PARD3B: variants seen among roughly 807,000 people sequenced by gnomAD.
PARD3B encodes the protein partitioning defective 3 homolog B.
A neutral mutation model predicts 130.2 loss-of-function variants in PARD3B; 103 were observed. That is an observed-to-expected ratio of 0.79 (90% CI 0.67 to 0.93). The LOEUF (loss-of-function observed/expected upper bound fraction) is 0.93. Among genes scored for constraint, PARD3B ranks in the 40% least tolerant of loss-of-function variants. The pLI is 0.00. For missense variants in PARD3B, 1,609 were observed against 1,499.2 expected (o/e 1.07, Z -1.21); for synonymous variants, 583 against 553.2 (o/e 1.05, Z -0.76).
intron 14 of PARD3B, among the ~76,000 whole-genome samples, chr2:205,188,772 C>A (rs2036232865): frequency 1.5e-5 from 2 of 134,572 alleles, no homozygotes; most frequent in Non-Finnish European, 1.6e-5. Context: ...GCTCTCCTGC[C>A]TTCTGCCTTT....
Position 205,121,140 on chromosome 2 carries a change from C to T in PARD3B, c.807-451C>T, listed in dbSNP as rs1222822817. ...CAACCCATGTTAGAGAAGATCTGTA[C>T]TTTAGAAGGATGTCCTAAAAGAAAC... On this transcript the variant is annotated intron_variant, in intron 7 of 22. Coordinates refer to ENST00000406610, the MANE Select transcript of PARD3B (RefSeq NM_001302769.2). This position sits in a 1 kb window ranked among gnomAD's most constrained non-coding sequence, Gnocchi z 5.0. Among the ~76,000 whole-genome samples, 1 of 152,200 alleles carries T rather than the reference C, an allele frequency of 6.6e-6. No homozygotes were observed. The highest frequency in any genetic ancestry group is 1.5e-5 in the Non-Finnish European group (1 of 68,034).
chr2:205,574,389 C>T (rs1476883908), intron 22 of PARD3B, among the ~76,000 whole-genome samples: 1 of 152,144 alleles, frequency 6.6e-6, no homozygotes, highest in Admixed American at 6.5e-5. Context: ...AGGTAGATGG[C>T]CATGAACTAT....
At chr2:205,008,623 A>C (rs1241458648) in intron 3 of PARD3B, among the ~76,000 whole-genome samples, 1 of 152,216 alleles carries the variant, frequency 6.6e-6, no homozygotes, top group Non-Finnish European at 1.5e-5. Flanking sequence ...CTCTAGACTA[A>C]ATAAACTGAG....
chr2:205,338,222 T>C, intron 18 of PARD3B, among the ~76,000 whole-genome samples: 1 of 151,354 alleles, frequency 6.6e-6, no homozygotes, highest in East Asian at 1.9e-4. Context: ...GGAAAGATTG[T>C]AGCATCCAAC....
At chr2:204,759,654 A>G (rs916004536) in intron 2 of PARD3B, among the ~76,000 whole-genome samples, 1 of 152,104 alleles carries the variant, frequency 6.6e-6, no homozygotes, top group Non-Finnish European at 1.5e-5. Context: ...CTGTAAATGT[A>G]TAAATTACTA....
chr2:204,809,450 G>A (rs988284424), intron 2 of PARD3B, among the ~76,000 whole-genome samples: 1 of 152,018 alleles, frequency 6.6e-6, no homozygotes, highest in Non-Finnish European at 1.5e-5. Flanking sequence ...GTTGATTTTT[G>A]TATATGATAT....
chr2:204,835,297 C>T (rs561808927), intron 2 of PARD3B, among the ~76,000 whole-genome samples: 1 of 152,326 alleles, frequency 6.6e-6, no homozygotes, highest in Admixed American at 6.5e-5. Context: ...ATGCCACATA[C>T]TTTGGGAATT....
chr2:205,542,720 C>T (rs2106464805), intron 21 of PARD3B, among the ~76,000 whole-genome samples: 1 of 152,294 alleles, frequency 6.6e-6, no homozygotes, highest in Non-Finnish European at 1.5e-5. Context: ...TCCTAGTCCA[C>T]TGTTACTCTG....
In PARD3B at chr2:205,440,685, G is replaced by A. The variant is rs2047685129; in HGVS notation, c.3044+13G>A. 1 of 1,599,378 alleles carries A rather than the reference G, an allele frequency of 6.3e-7. No individual in the cohort carries two copies. Among genetic ancestry groups the A allele is most frequent in the Non-Finnish European group, 8.6e-7 (1 of 1,167,370 alleles). On this transcript the variant is annotated intron_variant, in intron 20 of 22. Transcript: ENST00000406610. The surrounding 1 kb of genome is among the most constrained non-coding windows in gnomAD (Gnocchi z 4.2). ...TTCCAGCTGACAGGTAATAAACTTAGTGAAAGATAAATGTAGCTTTAATTC... is the reference window on the plus strand; with the variant it reads ...TTCCAGCTGACAGGTAATAAACTTAATGAAAGATAAATGTAGCTTTAATTC...
intron 2 of PARD3B, among the ~76,000 whole-genome samples, chr2:204,740,242 G>A (rs561605954): frequency 1.2e-4 from 18 of 151,676 alleles, no homozygotes; most frequent in Admixed American, 9.8e-4. Context: ...GGCTGATCGC[G>A]ATCTCCTGAC....
rs1239950241 is a variant in PARD3B at position 205,584,713 on chromosome 2, A to G, written c.3261-30743A>G. 6.6e-6 allele frequency among the ~76,000 whole-genome samples: 1 copy of G among 152,102 alleles called. No individual in the cohort carries two copies. Among genetic ancestry groups the G allele is most frequent in the Non-Finnish European group, 1.5e-5 (1 of 68,018 alleles). ...AAATAAAAATAAATAAATAAATGAT[A>G]TATGTGGCTTGCATTATTTTCTCCT... On this transcript the variant is annotated intron_variant, in intron 22 of 22. Transcript: ENST00000406610. This position sits in a 1 kb window ranked among gnomAD's most constrained non-coding sequence, Gnocchi z 5.5.
chr2:205,133,911 G>A (rs2125653344), intron 10 of PARD3B, among the ~76,000 whole-genome samples: 1 of 152,332 alleles, frequency 6.6e-6, no homozygotes, highest in East Asian at 1.9e-4. Flanking sequence ...ACATATCACA[G>A]GAGGTACTTT....
chr2:204,950,426 G>T (rs976130515), intron 2 of PARD3B, among the ~76,000 whole-genome samples: 1 of 152,168 alleles, frequency 6.6e-6, no homozygotes, highest in Non-Finnish European at 1.5e-5. Context: ...CTGAGTCAGT[G>T]TGACTGCAGA....
In PARD3B at chr2:205,176,602, C is replaced by T. The variant is rs1415984561; in HGVS notation, c.1924+25C>T. 1.9e-6 allele frequency: 3 copies of T among 1,547,668 alleles called. No homozygotes were observed. Among genetic ancestry groups the T allele is most frequent in the Non-Finnish European group, 2.6e-6 (3 of 1,152,132 alleles). On this transcript the variant is annotated intron_variant, in intron 13 of 22. Transcript: ENST00000406610. The surrounding 1 kb of genome is among the most constrained non-coding windows in gnomAD (Gnocchi z 5.3). ...GGTAAGAGTCTATTCATTTTATCCA[C>T]TGCAAATGGAGTGAGAAAACACAAA...
At chr2:205,607,268 T>C (rs1021421776) in intron 22 of PARD3B, among the ~76,000 whole-genome samples, 1 of 151,868 alleles carries the variant, frequency 6.6e-6, no homozygotes, top group African/African-American at 2.4e-5. Flanking sequence ...CTCTTTTTAG[T>C]GCATTAGATC....
At chr2:204,993,864 C>T (rs539937970) in intron 3 of PARD3B, among the ~76,000 whole-genome samples, 106 of 151,678 alleles carry the variant, frequency 7.0e-4, no homozygotes, top group African/African-American at 1.7e-3. Context: ...AGTTTATTTG[C>T]GTAGAGGTGT....
chr2:205,467,842 T>A (rs567005450), intron 20 of PARD3B, among the ~76,000 whole-genome samples: 1 of 152,332 alleles, frequency 6.6e-6, no homozygotes, highest in South Asian at 2.1e-4. Flanking sequence ...ATGTTAAACC[T>A]GAACTGCCAC....
chr2:204,918,410 C>T (rs1001793762), intron 2 of PARD3B, among the ~76,000 whole-genome samples: 2 of 152,006 alleles, frequency 1.3e-5, no homozygotes, highest in African/African-American at 4.8e-5. Flanking sequence ...GCGGGCGGAT[C>T]ACGAGGTCAG....
At chr2:205,387,165 C>T (rs2105965774) in intron 18 of PARD3B, among the ~76,000 whole-genome samples, 2 of 152,160 alleles carry the variant, frequency 1.3e-5, no homozygotes, top group Middle Eastern at 6.9e-3. Context: ...TTTTATATTT[C>T]AAAGCACTTA....
Sources: gnomAD v4.1 joint callset for allele counts (sites outside exome capture counted in the v4.1 genomes callset) on GRCh38, gnomAD v4.1.1 for gene constraint, Gnocchi (gnomAD v3.1) non-coding constraint, MANE v1.5 for transcripts, NCBI Gene and HGNC (gene_info 2026-07-23, HGNC 2026-07-21) for gene names.